The following CC2D2A variants were observed in gnomAD, a reference collection of about 807,000 sequenced individuals.
CC2D2A encodes the protein coiled-coil and C2 domain-containing protein 2A.
Under a neutral mutation model 212.9 loss-of-function variants are expected in CC2D2A, and 155 were observed. That is an observed-to-expected ratio of 0.73 (90% CI 0.64 to 0.83). The LOEUF is 0.83. Ranked by LOEUF, CC2D2A falls within the 40% of genes least tolerant of loss-of-function variation. The probability of loss-of-function intolerance (pLI) is 0.00; values close to 1 mark genes in which losing one functional copy is unlikely to be tolerated. For synonymous variants in CC2D2A, 667 were observed against 686.5 expected (o/e 0.97, Z 0.44); for missense variants, 1,856 against 1,956.2 (o/e 0.95, Z 0.97).
chr4:15,551,567 T>G (rs960315055), intron 18 of CC2D2A, among the ~76,000 whole-genome samples: 3 of 152,206 alleles, frequency 2.0e-5, no homozygotes, highest in Non-Finnish European at 4.4e-5. Flanking sequence ...TTATTGGAAC[T>G]AATCCTTTCT....
intron 11 of CC2D2A, among the ~76,000 whole-genome samples, chr4:15,517,635 G>A (rs1400044145): frequency 6.6e-6 from 1 of 152,162 alleles, no homozygotes; most frequent in Non-Finnish European, 1.5e-5. Flanking sequence ...ATCCACATAA[G>A]TGTCTAAAAC....
rs192012799 is a variant in CC2D2A at position 15,528,560 on chromosome 4, G to A, written c.1360-60G>A. 2.8e-6 allele frequency: 4 copies of A among 1,422,750 alleles called. No individual in the cohort carries two copies. The East Asian group carries it at 9.1e-5, about 32-fold the overall frequency. The allele number at this position is 1,422,750 out of a possible 1,614,324, so 88.1% of individuals were successfully genotyped here. A position where few individuals can be genotyped will look rare whatever the true frequency, so the allele number is the denominator to read the frequency against. ...TGCCCAGGAGAAGTGGGTGGGTCCAGTTGCACTGCAGTAGGGAATAGAGTT... is the reference window on the plus strand; with the variant it reads ...TGCCCAGGAGAAGTGGGTGGGTCCAATTGCACTGCAGTAGGGAATAGAGTT... On this transcript the variant is annotated intron_variant, in intron 12 of 36. Coordinates refer to ENST00000424120, the MANE Select transcript of CC2D2A (RefSeq NM_001378615.1).
At chr4:15,510,892 C>G (rs1716534459) in intron 7 of CC2D2A, among the ~76,000 whole-genome samples, 1 of 152,180 alleles carries the variant, frequency 6.6e-6, no homozygotes, top group Non-Finnish European at 1.5e-5. Context: ...TCTCATAATA[C>G]AACAAAACTA....
At position 15,527,667 on chromosome 4, in the gene CC2D2A, T is replaced by C. The variant is rs1323006449; in HGVS notation, c.1359+11T>C. The C allele has an allele frequency of 6.3e-7, 1 of 1,581,332 alleles. No individual in the cohort carries two copies. Among genetic ancestry groups the C allele is most frequent in the African/African-American group, 1.3e-5 (1 of 74,410 alleles). ...TTTCTTACTGATAAGGTACATGTGA[T>C]TTCTTCCATAATGATTGTCAATGGA... is the stretch of plus-strand genomic sequence containing the variant. On this transcript the variant is annotated intron_variant, in intron 12 of 36. Coordinates refer to ENST00000424120, the MANE Select transcript of CC2D2A (RefSeq NM_001378615.1).
intron 8 of CC2D2A, 185 bp downstream of exon 8, chr4:15,511,608 A>G: frequency 2.2e-6 from 1 of 453,582 alleles, no homozygotes; most frequent in Non-Finnish European, 3.8e-6. Context: ...GTTAGACCCT[A>G]CAATGTGGTA....
chr4:15,494,966 T>C (rs911307130), intron 4 of CC2D2A, among the ~76,000 whole-genome samples: 5 of 152,222 alleles, frequency 3.3e-5, no homozygotes, highest in African/African-American at 1.2e-4. Flanking sequence ...GTTTGTTACA[T>C]GGGTAAACTG....
chr4:15,530,041 G>A (rs946326506), intron 13 of CC2D2A, among the ~76,000 whole-genome samples: 1 of 151,232 alleles, frequency 6.6e-6, no homozygotes, highest in Admixed American at 6.6e-5. Flanking sequence ...GTGCGATTTC[G>A]GCTCACTGCA....
intron 2 of CC2D2A, among the ~76,000 whole-genome samples, chr4:15,477,482 A>G (rs1362465008): frequency 1.3e-5 from 2 of 152,148 alleles, no homozygotes; most frequent in Non-Finnish European, 2.9e-5. Context: ...GTCCTACTGG[A>G]TAGTTAGAAT....
At chr4:15,576,491 TTA>T (rs1415429532) in intron 29 of CC2D2A, 1 of 308,848 alleles carries the variant, frequency 3.2e-6, no homozygotes, top group African/African-American at 2.3e-5. Flanking sequence ...CCTGAAACTC[TTA>T]TTTTAATATC....
At chr4:15,529,285 G>C (rs1717684886) in intron 13 of CC2D2A, among the ~76,000 whole-genome samples, 1 of 152,070 alleles carries the variant, frequency 6.6e-6, no homozygotes, top group Non-Finnish European at 1.5e-5. Context: ...GGAAGGCTGA[G>C]GAAGGAGGAT....
rs1406696636 is a variant in CC2D2A at position 15,563,402 on chromosome 4, T to G, written c.3062T>G (p.Leu1021Arg). 1 of 1,608,178 alleles carries G rather than the reference T, an allele frequency of 6.2e-7. No individual in the cohort carries two copies. Among genetic ancestry groups the G allele is most frequent in the African/African-American group, 1.3e-5 (1 of 74,976 alleles). Reference protein sequence around the residue: ...LFKLAEQKRPLRPRRKGRKKV... With the variant: ...LFKLAEQKRPRRPRRKGRKKV... ...AAGCTGGCAGAACAAAAGCGACCACTGCGGCCAAGGAGAAAAGGTCGGAAG... is the reference window on the plus strand; with the variant it reads ...AAGCTGGCAGAACAAAAGCGACCACGGCGGCCAAGGAGAAAAGGTCGGAAG... The change falls in exon 24 of 37, where the codon CTG becomes CGG. Residue 1021 changes from leucine to arginine, a missense_variant. This residue lies in a region of CC2D2A where 1,512 missense variants were observed against 1,579.3 expected (regional missense o/e 0.96). Transcript: ENST00000424120.
At chr4:15,500,893 T>C (rs572214899) in intron 4 of CC2D2A, among the ~76,000 whole-genome samples, 1 of 152,266 alleles carries the variant, frequency 6.6e-6, no homozygotes, top group African/African-American at 2.4e-5. Context: ...CTCACCATGG[T>C]TGAAAGCCTT....
At chr4:15,509,449 T>C (rs905558087) in intron 6 of CC2D2A, among the ~76,000 whole-genome samples, 10 of 152,086 alleles carry the variant, frequency 6.6e-5, no homozygotes, top group African/African-American at 2.4e-4. Context: ...AAACTTTGTA[T>C]TTTTAGTAAA....
At chr4:15,579,427 T>C (rs1272855561) in intron 29 of CC2D2A, among the ~76,000 whole-genome samples, 1 of 152,236 alleles carries the variant, frequency 6.6e-6, no homozygotes, top group East Asian at 1.9e-4. Flanking sequence ...TTGATGTTTC[T>C]AGTTCTGCCT....
chr4:15,516,722 G>T lies in CC2D2A; in HGVS notation c.1115G>T (p.Ser372Ile). The T allele has an allele frequency of 6.2e-7, 1 of 1,613,136 alleles. No homozygotes were observed. The highest frequency in any genetic ancestry group is 8.5e-7 in the Non-Finnish European group (1 of 1,179,458). The part of the protein sequence containing the change: ...SRPPVLTQEQ[S>I]IKAELETLYK... The stretch of plus-strand genomic sequence containing the variant: ...CCGCCAGTACTAACACAGGAGCAGA[G>T]CATTAAGGCAGAGCTTGAAACACTG... The change falls in exon 11 of 37, where the codon AGC becomes ATC. Residue 372 changes from serine to isoleucine, a missense_variant. Physicochemically the swap from Ser to Ile is moderately radical, Grantham distance 142 (BLOSUM62 -2). Coordinates refer to ENST00000424120, the MANE Select transcript of CC2D2A (RefSeq NM_001378615.1).
intron 29 of CC2D2A, chr4:15,576,279 C>A: frequency 2.1e-6 from 1 of 481,058 alleles, no homozygotes; most frequent in Non-Finnish European, 2.7e-6. Context: ...CTCAGTGATT[C>A]ACTTGCAGAC....
intron 28 of CC2D2A, among the ~76,000 whole-genome samples, chr4:15,570,853 A>C (rs1720131366): frequency 6.6e-6 from 1 of 152,078 alleles, no homozygotes; most frequent in African/African-American, 2.4e-5. Flanking sequence ...GCGCCATTGC[A>C]CTCCAGCCTG....
Position 15,475,979 on chromosome 4 carries a change from G to T in CC2D2A, c.39+8G>T. The T allele has an allele frequency of 1.3e-6, 2 of 1,587,312 alleles. No individual in the cohort carries two copies. Among genetic ancestry groups the T allele is most frequent in the Non-Finnish European group, 8.6e-7 (1 of 1,165,898 alleles). On this transcript the variant is annotated splice_region_variant and intron_variant, in intron 2 of 36. Coordinates refer to ENST00000424120, the MANE Select transcript of CC2D2A (RefSeq NM_001378615.1). ...GTAAAAATAATTACAGAGGTAAGTG[G>T]CCACTTTGATGTCCTCTAGGGATGT...
intron 21 of CC2D2A, among the ~76,000 whole-genome samples, chr4:15,558,079 G>A (rs773202598): frequency 9.9e-5 from 15 of 152,188 alleles, no homozygotes; most frequent in South Asian, 2.1e-4. Flanking sequence ...GTGGGGTGGA[G>A]GAGCCTTTGA....
Sources: gnomAD v4.1 joint callset for allele counts (sites outside exome capture counted in the v4.1 genomes callset) on GRCh38, gnomAD v4.1.1 for gene constraint, gnomAD v4.1.1 regional missense constraint, MANE v1.5 for transcripts, NCBI Gene and HGNC (gene_info 2026-07-23, HGNC 2026-07-21) for gene names.